Variants in TMEM53 observed in about 807,000 individuals in gnomAD.
TMEM53 encodes transmembrane protein 53.
TMEM53 carries 14 observed loss-of-function variants against 21.4 expected under a neutral mutation model. The observed-to-expected ratio is 0.65, with a 90% CI of 0.43 to 1.02. The LOEUF is 1.02. Among genes scored for constraint, TMEM53 ranks in the 50% least tolerant of loss-of-function variants. TMEM53 has a pLI of 0.00. For synonymous variants in TMEM53, 148 were observed against 157.4 expected (o/e 0.94, Z 0.45); for missense variants, 323 against 383.6 (o/e 0.84, Z 1.32).
At chr1:44,657,176 A>G (rs1313842625) in intron 2 of TMEM53, among the ~76,000 whole-genome samples, 1 of 152,194 alleles carries the variant, frequency 6.6e-6, no homozygotes, top group Non-Finnish European at 1.5e-5. Flanking sequence ...CCTGGGTGAC[A>G]GAGTGAGACC....
intron 2 of TMEM53, among the ~76,000 whole-genome samples, 168 bp downstream of exon 2, chr1:44,660,006 G>A (rs898762287): frequency 6.6e-5 from 10 of 152,004 alleles, no homozygotes; most frequent in Non-Finnish European, 1.5e-4. Flanking sequence ...TTACAGGCAC[G>A]TGCCACCAGG....
rs1039882941 is a variant in TMEM53, at chr1:44,654,637, G to A, written c.756C>T (p.His252=). Residue 252 remains histidine, a synonymous_variant, in exon 3 of 3, where the codon CAC becomes CAT. Transcript: ENST00000372237. The surrounding 1 kb of genome is among the most constrained non-coding windows in gnomAD (Gnocchi z 7.0). ...TAGGGTAGTCACGGAGGTGGCTGAC[G>A]TGTGCAGATGACACGAAATCCACAG... ...ARSVDFVSSA[H]VSHLRDYPTY... 1.6e-5 allele frequency: 26 copies of A among 1,614,026 alleles called. No individual in the cohort carries two copies. The highest frequency in any genetic ancestry group is 6.6e-5 in the South Asian group (6 of 91,084).
intron 1 of TMEM53, among the ~76,000 whole-genome samples, chr1:44,662,526 C>T (rs1644911029): frequency 6.6e-6 from 1 of 152,288 alleles, no homozygotes; most frequent in East Asian, 1.9e-4. Context: ...ACTCTGCCCA[C>T]GAGGCTCAGG....
In TMEM53 at chr1:44,653,620, G is replaced by A. The variant is rs1054169422; in HGVS notation, c.*939C>T. ...AGCTCCTCATCTGGCTTCTACCTCA[G>A]ACTCCCAGGCAATGGGGTCAGAGGA... is the stretch of plus-strand genomic sequence containing the variant. On this transcript the variant is annotated 3_prime_UTR_variant, in exon 3 of 3. Transcript: ENST00000372237. 6.6e-6 allele frequency: 1 copy of A among 152,258 alleles called. No homozygotes were observed. The highest frequency in any genetic ancestry group is 2.1e-4 in the South Asian group (1 of 4,830). The allele number at this position is 152,258 out of a possible 1,614,324, so 9.4% of individuals were successfully genotyped here. A position where few individuals can be genotyped will look rare whatever the true frequency, so the allele number is the denominator to read the frequency against.
chr1:44,671,970 T>G (rs1645006052), intron 1 of TMEM53, among the ~76,000 whole-genome samples: 1 of 152,226 alleles, frequency 6.6e-6, no homozygotes, highest in Admixed American at 6.5e-5. Flanking sequence ...AAACTAAATA[T>G]GAATGTCCTA....
At chr1:44,673,920 GA>G (rs1351102458) in intron 1 of TMEM53, 1 of 985,252 alleles carries the variant, frequency 1.0e-6, no homozygotes, top group Non-Finnish European at 1.2e-6. Context: ...GTGACCCCGC[GA>G]GCCTCCCCCT....
In TMEM53 at chr1:44,655,498, A is replaced by G. The variant is rs1175232073; in HGVS notation, c.184-289T>C. ...GTATTTGAGGCCCAGAGCCTGAAGC[A>G]TATACTGGAGACACCTGGGCTGACC... On this transcript the variant is annotated intron_variant, in intron 2 of 2. Transcript: ENST00000372237. The surrounding 1 kb of genome is among the most constrained non-coding windows in gnomAD (Gnocchi z 4.4). 6.6e-6 allele frequency among the ~76,000 whole-genome samples: 1 copy of G among 152,162 alleles called. No individual in the cohort carries two copies.
At chr1:44,666,199 G>GA (rs1395440261) in intron 1 of TMEM53, among the ~76,000 whole-genome samples, 1 of 152,206 alleles carries the variant, frequency 6.6e-6, no homozygotes, top group African/African-American at 2.4e-5. Context: ...TTATACCCAG[G>GA]ATGGCTATAA....
At chr1:44,666,295 G>A (rs1644948261) in intron 1 of TMEM53, among the ~76,000 whole-genome samples, 1 of 152,214 alleles carries the variant, frequency 6.6e-6, no homozygotes, top group African/African-American at 2.4e-5. Flanking sequence ...TAATGGTGCA[G>A]CCACTTTGGA....
At chr1:44,666,072 A>G (rs1173719423) in intron 1 of TMEM53, among the ~76,000 whole-genome samples, 1 of 152,250 alleles carries the variant, frequency 6.6e-6, no homozygotes, top group Non-Finnish European at 1.5e-5. Flanking sequence ...GGACCTGAAT[A>G]TATTAAGCAG....
intron 1 of TMEM53, among the ~76,000 whole-genome samples, chr1:44,668,876 AAGAGC>A (rs1644975055): frequency 6.6e-6 from 1 of 152,222 alleles, no homozygotes; most frequent in South Asian, 2.1e-4. Flanking sequence ...TTTTTAAAAG[AAGAGC>A]AGAGCAGAGT....
At chr1:44,670,162 T>C (rs1471748796) in intron 1 of TMEM53, among the ~76,000 whole-genome samples, 10 of 74,976 alleles carry the variant, frequency 1.3e-4, no homozygotes, top group African/African-American at 7.9e-4. Context: ...ATACAACTCC[T>C]CTGTATTAAA....
intron 1 of TMEM53, 108 bp downstream of exon 1, chr1:44,674,223 G>A: frequency 4.1e-6 from 6 of 1,467,890 alleles, no homozygotes; most frequent in Non-Finnish European, 5.4e-6. Context: ...TGAGGGGGCG[G>A]CCCGAGGGAG....
At chr1:44,661,601 G>A (rs1644903101) in intron 1 of TMEM53, among the ~76,000 whole-genome samples, 2 of 152,156 alleles carry the variant, frequency 1.3e-5, no homozygotes, top group African/African-American at 4.8e-5. Context: ...TGTCCTGCCA[G>A]AGAATAGCCT....
intron 2 of TMEM53, among the ~76,000 whole-genome samples, chr1:44,658,200 G>A (rs1361831847): frequency 2.6e-5 from 4 of 151,760 alleles, no homozygotes; most frequent in Non-Finnish European, 4.4e-5. Flanking sequence ...ACTGTCCTAG[G>A]CCCTCTTCTG....
At chr1:44,658,700 C>A (rs1328516130) in intron 2 of TMEM53, among the ~76,000 whole-genome samples, 1 of 152,076 alleles carries the variant, frequency 6.6e-6, no homozygotes, top group African/African-American at 2.4e-5. Context: ...TACAGGTGTG[C>A]GCCACCATGC....
At chr1:44,668,641 A>G (rs1276284908) in intron 1 of TMEM53, among the ~76,000 whole-genome samples, 2 of 152,018 alleles carry the variant, frequency 1.3e-5, no homozygotes, top group African/African-American at 4.8e-5. Flanking sequence ...TCTTGGGCTC[A>G]GGTAATCCTC....
Position 44,660,287 on chromosome 1 carries a change from G to T in TMEM53, c.70C>A (p.Pro24Thr). The change falls in exon 2 of 3, where the codon CCC becomes ACC. Residue 24 changes from proline to threonine, a missense_variant. Transcript: ENST00000372237. ...TCTGCCTCCTTCCCACCTGGGCTGG[G>T]GCTGTTCTCTGAAACACAGATGTGG... Reference protein sequence around the residue: ...DQPCWSQKNSPSPGGKEAETR... With the variant: ...DQPCWSQKNSTSPGGKEAETR... 6.2e-7 allele frequency: 1 copy of T among 1,613,420 alleles called. No homozygotes were observed.
chr1:44,667,304 C>T (rs1209121681), intron 1 of TMEM53, among the ~76,000 whole-genome samples: 1 of 143,910 alleles, frequency 6.9e-6, no homozygotes, highest in Non-Finnish European at 1.5e-5. Context: ...CAAACGCACA[C>T]TTTTTTTGTT....
Sources: allele counts gnomAD v4.1 joint callset (sites outside exome capture counted in the v4.1 genomes callset), GRCh38; gene constraint gnomAD v4.1.1; non-coding constraint Gnocchi (gnomAD v3.1); transcripts MANE v1.5; gene names NCBI Gene and HGNC (gene_info 2026-07-23, HGNC 2026-07-21).